The following CNR2 variants were observed in gnomAD, a reference collection of about 807,000 sequenced individuals.
CNR2 encodes the protein cannabinoid receptor 2.
For synonymous variants in CNR2, 172 were observed against 182.2 expected, an observed-to-expected ratio of 0.94 and a Z score of 0.45; for missense variants, 379 against 439.9, an observed-to-expected ratio of 0.86 and a Z score of 1.24.
At chr1:23,897,217 T>C (rs1385957049) in intron 1 of CNR2, among the ~76,000 whole-genome samples, 1 of 152,044 alleles carries the variant, frequency 6.6e-6, no homozygotes, top group Non-Finnish European at 1.5e-5. Flanking sequence ...CCTTCAAACA[T>C]GGCAGTTATG....
intron 1 of CNR2, among the ~76,000 whole-genome samples, chr1:23,908,471 T>C (rs1018577506): frequency 7.2e-5 from 11 of 152,164 alleles, no homozygotes; most frequent in African/African-American, 2.7e-4. Flanking sequence ...AAAAAATCTT[T>C]TAACTATTAC....
At chr1:23,906,927 C>T (rs1415962496) in intron 1 of CNR2, among the ~76,000 whole-genome samples, 1 of 151,826 alleles carries the variant, frequency 6.6e-6, no homozygotes, top group African/African-American at 2.4e-5. Flanking sequence ...TCTCAGGCCC[C>T]TATTTGCATG....
chr1:23,906,538 TTTTC>T (rs1454392391), intron 1 of CNR2, among the ~76,000 whole-genome samples: 20 of 105,662 alleles, frequency 1.9e-4, no homozygotes, highest in African/African-American at 5.8e-4. Context: ...TCTTTCTTTT[TTTTC>T]TTTCTTTTTT....
chr1:23,899,037 T>C (rs1213951121), intron 1 of CNR2, among the ~76,000 whole-genome samples: 1 of 152,182 alleles, frequency 6.6e-6, no homozygotes, highest in Non-Finnish European at 1.5e-5. Flanking sequence ...TACAATGTGA[T>C]ATTATGATAC....
intron 1 of CNR2, among the ~76,000 whole-genome samples, chr1:23,904,863 C>T (rs375730306): frequency 1.3e-5 from 2 of 152,162 alleles, no homozygotes; most frequent in East Asian, 3.8e-4. Context: ...GGGTTAACCA[C>T]GTGGTGAACA....
At chr1:23,912,284 A>T (rs966933632) in intron 1 of CNR2, among the ~76,000 whole-genome samples, 3 of 150,296 alleles carry the variant, frequency 2.0e-5, no homozygotes, top group Admixed American at 1.3e-4. Context: ...TGGAACTTAC[A>T]CCAAAGCAGA....
chr1:23,894,999 C>T (rs961308574), intron 1 of CNR2, among the ~76,000 whole-genome samples: 6 of 152,004 alleles, frequency 3.9e-5, no homozygotes, highest in African/African-American at 1.2e-4. Flanking sequence ...GTGGGCGGAT[C>T]ACCTGAGGTC....
intron 1 of CNR2, among the ~76,000 whole-genome samples, chr1:23,885,640 G>GAGACCA (rs1553140819): frequency 1.3e-5 from 2 of 151,608 alleles, no homozygotes; most frequent in African/African-American, 4.8e-5. Context: ...AGCACTCTGG[G>GAGACCA]AGGCTGAAGC....
intron 1 of CNR2, among the ~76,000 whole-genome samples, chr1:23,893,335 G>C (rs1045393219): frequency 6.6e-6 from 1 of 152,190 alleles, no homozygotes; most frequent in African/African-American, 2.4e-5. Flanking sequence ...AAGGTTAAGT[G>C]CCAAGGCTTT....
rs769611593 is a variant in CNR2 at position 23,875,431 on chromosome 1, G to C, written c.187C>G (p.Gln63Glu). 4 of 1,614,226 alleles carry C rather than the reference G, an allele frequency of 2.5e-6. No homozygotes were observed. Among genetic ancestry groups the C allele is most frequent in the Non-Finnish European group, 8.5e-7 (1 of 1,180,040 alleles). Residue 63 changes from glutamine to glutamate, a missense_variant, in exon 2 of 2, where the codon CAA becomes GAA. Coordinates refer to ENST00000374472, the MANE Select transcript of CNR2 (RefSeq NM_001841.3). ...AGGTATGAGGGCTTCCGGCGGAGTT[G>C]GTGGGAGGACAGGATCAGATAGAGC... ...AVLYLILSSH[Q>E]LRRKPSYLFI...
intron 1 of CNR2, among the ~76,000 whole-genome samples, chr1:23,911,536 A>C (rs747288438): frequency 1.3e-5 from 2 of 152,158 alleles, no homozygotes; most frequent in Non-Finnish European, 2.9e-5. Flanking sequence ...AGCTCAGTGC[A>C]CTTGGAGATT....
chr1:23,888,469 G>T (rs1006738225), intron 1 of CNR2, among the ~76,000 whole-genome samples: 1 of 152,122 alleles, frequency 6.6e-6, no homozygotes, highest in African/African-American at 2.4e-5. Flanking sequence ...GGGAGTATCG[G>T]TCCTTTCGAG....
intron 1 of CNR2, among the ~76,000 whole-genome samples, chr1:23,896,060 C>T (rs1175745614): frequency 6.6e-6 from 1 of 152,080 alleles, no homozygotes; most frequent in Non-Finnish European, 1.5e-5. Context: ...GATGGGGTCT[C>T]ACTATATCAC....
chr1:23,912,319 GC>G (rs1467424473), intron 1 of CNR2, among the ~76,000 whole-genome samples: 2 of 152,192 alleles, frequency 1.3e-5, no homozygotes, highest in African/African-American at 4.8e-5. Context: ...AGTCCAGTGT[GC>G]CCCTAACACT....
At position 23,871,154 on chromosome 1, in the gene CNR2, C is replaced by CAAAAAAAAAAAAAAAAAAAAAAA. The variant is rs34781596; in HGVS notation, c.*3358_*3380dup. On this transcript the variant is annotated 3_prime_UTR_variant, in exon 2 of 2. Coordinates refer to ENST00000374472, the MANE Select transcript of CNR2 (RefSeq NM_001841.3). ...TGGGTGACAGAGTGAGATTCTATGT[C>CAAAAAAAAAAAAAAAAAAAAAAA]AAAAAAAAAAAAAAAAAAAAAAAAA... is the stretch of plus-strand genomic sequence containing the variant. The CAAAAAAAAAAAAAAAAAAAAAAA allele has an allele frequency of 1.7e-5, 1 of 58,770 alleles. No homozygotes were observed. The allele number at this position is 58,770 out of a possible 1,614,324, so 3.6% of individuals were successfully genotyped here. A position where few individuals can be genotyped will look rare whatever the true frequency, so the allele number is the denominator to read the frequency against.
chr1:23,910,510 C>T (rs898427955), intron 1 of CNR2, among the ~76,000 whole-genome samples: 2 of 151,246 alleles, frequency 1.3e-5, no homozygotes, highest in South Asian at 2.1e-4. Flanking sequence ...CAAAATTAGC[C>T]GGGCGTGGTG....
intron 1 of CNR2, among the ~76,000 whole-genome samples, chr1:23,881,614 G>A (rs1639989769): frequency 6.7e-6 from 1 of 150,324 alleles, no homozygotes; most frequent in Non-Finnish European, 1.5e-5. Flanking sequence ...GCTAGGCCGG[G>A]CATGGTGGCT....
chr1:23,902,689 C>A, intron 1 of CNR2: 1 of 1,593,446 alleles, frequency 6.3e-7, no homozygotes, highest in Non-Finnish European at 8.5e-7. Context: ...TGCACGTCGG[C>A]CACGAGCTCG....
intron 1 of CNR2, among the ~76,000 whole-genome samples, chr1:23,889,504 A>T (rs143279787): frequency 0.015 from 2,338 of 152,236 alleles, 59 homozygotes; most frequent in African/African-American, 0.053. Context: ...CTATTAAAAA[A>T]ATATAGATAG....
Sources: gnomAD v4.1 joint callset for allele counts (sites outside exome capture counted in the v4.1 genomes callset) on GRCh38, gnomAD v4.1.1 for gene constraint, MANE v1.5 for transcripts, NCBI Gene and HGNC (gene_info 2026-07-23, HGNC 2026-07-21) for gene names.